PTPRM: variants seen among roughly 807,000 people sequenced by gnomAD.
PTPRM encodes the protein receptor-type tyrosine-protein phosphatase mu.
Under a neutral mutation model 186.7 loss-of-function variants are expected in PTPRM, and 47 were observed. The ratio of observed to expected loss-of-function variants is 0.25; its 90% CI spans 0.20 to 0.32. PTPRM has a LOEUF of 0.32. Ranked by LOEUF, PTPRM falls within the 10% of genes least tolerant of loss-of-function variation. PTPRM has a pLI of 1.00. For missense variants in PTPRM, 1,494 were observed against 1,865.0 expected (o/e 0.80, Z 3.66); for synonymous variants, 668 against 674.9 (o/e 0.99, Z 0.16).
intron 7 of PTPRM, among the ~76,000 whole-genome samples, chr18:7,993,342 A>T (rs1026245353): frequency 6.6e-6 from 1 of 152,108 alleles, no homozygotes; most frequent in Non-Finnish European, 1.5e-5. Context: ...CTTAAATCTT[A>T]AAAGAGATAT....
intron 7 of PTPRM, among the ~76,000 whole-genome samples, chr18:8,062,509 G>A (rs1477659142): frequency 3.6e-5 from 1 of 27,450 alleles, no homozygotes; most frequent in Non-Finnish European, 6.9e-5. Flanking sequence ...GAGGAACTGC[G>A]TTCCTTTGGA....
intron 7 of PTPRM, among the ~76,000 whole-genome samples, chr18:7,980,255 T>C: frequency 6.6e-6 from 1 of 152,168 alleles, no homozygotes; most frequent in Non-Finnish European, 1.5e-5. Context: ...TTCCTAGGTG[T>C]CTTGGTGTTT....
intron 11 of PTPRM, among the ~76,000 whole-genome samples, chr18:8,099,262 G>A (rs2091175482): frequency 6.6e-6 from 1 of 151,668 alleles, no homozygotes; most frequent in Non-Finnish European, 1.5e-5. Context: ...TCTGTGTCCT[G>A]CAGCTCTCCC....
chr18:7,777,911 G>C (rs754686151), intron 2 of PTPRM, among the ~76,000 whole-genome samples: 4 of 152,148 alleles, frequency 2.6e-5, no homozygotes, highest in Non-Finnish European at 5.9e-5. Flanking sequence ...CACTTTGGGA[G>C]GCTGAGGTGA....
chr18:8,049,252 A>G (rs2087291321), intron 7 of PTPRM: 2 of 152,204 alleles, frequency 1.3e-5, no homozygotes, highest in South Asian at 2.1e-4. Flanking sequence ...TGCTCCTTCT[A>G]TAGTGATGAA....
intron 2 of PTPRM, among the ~76,000 whole-genome samples, chr18:7,805,086 A>G (rs1265057594): frequency 6.6e-6 from 1 of 152,060 alleles, no homozygotes; most frequent in African/African-American, 2.4e-5. Context: ...ACTTGAAGTC[A>G]CTCTTCGTCT....
At chr18:7,814,576 G>T (rs2044705273) in intron 2 of PTPRM, 1 of 152,184 alleles carries the variant, frequency 6.6e-6, no homozygotes, top group African/African-American at 2.4e-5. Flanking sequence ...ACTGGAGAGG[G>T]ATAATAGTGA....
chr18:7,663,680 G>A lies in PTPRM; in HGVS notation c.73+95789G>A, dbSNP rs556999799. On this transcript the variant is annotated intron_variant, in intron 1 of 32. Coordinates refer to ENST00000580170, the MANE Select transcript of PTPRM (RefSeq NM_001105244.2). ...AGGACAAGGGCCTTTTGTTTGAAAAGCAGGGTAAAAGTGCCATTAAACATA... is the reference window on the plus strand; with the variant it reads ...AGGACAAGGGCCTTTTGTTTGAAAAACAGGGTAAAAGTGCCATTAAACATA... Among the ~76,000 whole-genome samples, 4 of 152,300 alleles carry A rather than the reference G, an allele frequency of 2.6e-5. No individual in the cohort carries two copies. The East Asian group carries it at 7.7e-4, about 29-fold the overall frequency.
chr18:8,392,423 GACT>G (rs1230169905), intron 31 of PTPRM, among the ~76,000 whole-genome samples: 1 of 152,104 alleles, frequency 6.6e-6, no homozygotes, highest in Non-Finnish European at 1.5e-5. Flanking sequence ...AGGAGATTGA[GACT>G]ATCCTGGCTA....
intron 1 of PTPRM, among the ~76,000 whole-genome samples, chr18:7,644,676 A>G (rs1182078163): frequency 6.6e-6 from 1 of 152,120 alleles, no homozygotes; most frequent in East Asian, 1.9e-4. Flanking sequence ...GCACTAGGGT[A>G]AGCAAGCCAG....
intron 1 of PTPRM, among the ~76,000 whole-genome samples, chr18:7,764,565 T>A (rs1318037411): frequency 1.3e-5 from 2 of 152,180 alleles, no homozygotes; most frequent in Admixed American, 1.3e-4. Flanking sequence ...TTACCAAACA[T>A]TAGAGTGCAT....
chr18:7,642,939 TA>T (rs1414603939), intron 1 of PTPRM, among the ~76,000 whole-genome samples: 1 of 151,824 alleles, frequency 6.6e-6, no homozygotes, highest in Non-Finnish European at 1.5e-5. Flanking sequence ...GCATTTTCCA[TA>T]TTTGGGGTGA....
intron 19 of PTPRM, among the ~76,000 whole-genome samples, chr18:8,254,846 G>A (rs1310202968): frequency 2.0e-5 from 3 of 152,236 alleles, no homozygotes; most frequent in Admixed American, 2.0e-4. Flanking sequence ...TTGGTCCAAA[G>A]CAGACATAGA....
chr18:7,928,589 T>TCTAAG (rs1239802289), intron 5 of PTPRM, among the ~76,000 whole-genome samples: 1 of 152,218 alleles, frequency 6.6e-6, no homozygotes, highest in Non-Finnish European at 1.5e-5. Flanking sequence ...TCCTTTGATT[T>TCTAAG]ATCTCTAGAA....
intron 22 of PTPRM, among the ~76,000 whole-genome samples, chr18:8,338,636 G>A (rs1192208267): frequency 3.3e-5 from 5 of 152,194 alleles, no homozygotes; most frequent in Non-Finnish European, 7.3e-5. Context: ...CAGTAAAATG[G>A]GGGTGAGCAA....
intron 7 of PTPRM, among the ~76,000 whole-genome samples, chr18:7,995,417 C>G (rs2083482246): frequency 6.6e-6 from 1 of 152,076 alleles, no homozygotes; most frequent in African/African-American, 2.4e-5. Context: ...TTCTTCCTAA[C>G]TCATTGTAAT....
At chr18:8,351,316 G>A (rs1255694562) in intron 23 of PTPRM, among the ~76,000 whole-genome samples, 2 of 152,142 alleles carry the variant, frequency 1.3e-5, no homozygotes, top group African/African-American at 4.8e-5. Context: ...AGAAGGCCTT[G>A]GCTCTTCCCA....
intron 2 of PTPRM, among the ~76,000 whole-genome samples, chr18:7,841,950 T>C (rs1395549491): frequency 6.6e-6 from 1 of 152,188 alleles, no homozygotes; most frequent in Non-Finnish European, 1.5e-5. Flanking sequence ...TTTTTTTCTT[T>C]GCTGCTCTCT....
chr18:7,744,326 G>C (rs888187207), intron 1 of PTPRM, among the ~76,000 whole-genome samples: 11 of 151,894 alleles, frequency 7.2e-5, no homozygotes, highest in African/African-American at 2.7e-4. Context: ...TGGAATCTAG[G>C]AAACTGAAAT....
Sources: gnomAD v4.1 joint callset for allele counts (sites outside exome capture counted in the v4.1 genomes callset) on GRCh38, gnomAD v4.1.1 for gene constraint, MANE v1.5 for transcripts, NCBI Gene and HGNC (gene_info 2026-07-23, HGNC 2026-07-21) for gene names.